BCL7A: variants seen among roughly 807,000 people sequenced by gnomAD.
The protein encoded by BCL7A is B-cell CLL/lymphoma 7 protein family member A.
BCL7A carries 11 observed loss-of-function variants against 28.4 expected under a neutral mutation model. The ratio of observed to expected loss-of-function variants is 0.39; its 90% CI spans 0.24 to 0.64. The LOEUF (loss-of-function observed/expected upper bound fraction) is 0.64, where lower values mean the gene tolerates loss of function less well. Ranked by LOEUF, BCL7A falls within the 30% of genes least tolerant of loss-of-function variation. The probability of loss-of-function intolerance (pLI) is 0.50; values close to 1 mark genes in which losing one functional copy is unlikely to be tolerated. For missense variants in BCL7A, 222 were observed against 274.8 expected, an observed-to-expected ratio of 0.81 and a Z score of 1.36; for synonymous variants, 123 against 103.3, an observed-to-expected ratio of 1.19 and a Z score of -1.15.
chr12:122,033,430 C>T (rs1339699338), intron 2 of BCL7A, among the ~76,000 whole-genome samples: 1 of 152,226 alleles, frequency 6.6e-6, no homozygotes, highest in Non-Finnish European at 1.5e-5. Flanking sequence ...TCTTCTGCCT[C>T]AGCCTCCCAA....
intron 4 of BCL7A, among the ~76,000 whole-genome samples, chr12:122,048,162 C>G (rs1271734808): frequency 6.6e-6 from 1 of 152,070 alleles, no homozygotes; most frequent in Non-Finnish European, 1.5e-5. Flanking sequence ...CTCGGCCTCC[C>G]AAAGTGCTGG....
At chr12:122,023,190 C>T (rs2135834194) in intron 1 of BCL7A, among the ~76,000 whole-genome samples, 1 of 152,302 alleles carries the variant, frequency 6.6e-6, no homozygotes, top group East Asian at 1.9e-4. Flanking sequence ...GCAAGCAGAT[C>T]GCCAGGTTGG....
intron 3 of BCL7A, among the ~76,000 whole-genome samples, chr12:122,036,944 A>G (rs1883869049): frequency 6.6e-6 from 1 of 151,982 alleles, no homozygotes; most frequent in African/African-American, 2.4e-5. Context: ...CCTGGTCTCG[A>G]ACGCCCGCCT....
intron 1 of BCL7A, among the ~76,000 whole-genome samples, chr12:122,027,149 T>C (rs921472980): frequency 2.0e-5 from 3 of 152,030 alleles, no homozygotes; most frequent in Admixed American, 2.0e-4. Flanking sequence ...GTGTCAAGAG[T>C]GAGGGCATCT....
chr12:122,031,819 C>T (rs1183611743), intron 2 of BCL7A, among the ~76,000 whole-genome samples: 2 of 152,206 alleles, frequency 1.3e-5, no homozygotes, highest in Non-Finnish European at 2.9e-5. Context: ...CCTGTGATGG[C>T]TGGCAACTGC....
intron 2 of BCL7A, among the ~76,000 whole-genome samples, chr12:122,032,846 C>T (rs967378816): frequency 2.0e-5 from 3 of 152,170 alleles, no homozygotes; most frequent in African/African-American, 7.2e-5. Context: ...ATGTGCCACT[C>T]CCCCACCCCC....
In BCL7A at chr12:122,022,145, C is replaced by G. The variant is rs751600839; in HGVS notation, c.54C>G (p.Ile18Met). 3.8e-6 allele frequency: 6 copies of G among 1,582,032 alleles called. No homozygotes were observed. The highest frequency in any genetic ancestry group is 1.1e-5 in the South Asian group (1 of 89,178). Residue 18 changes from isoleucine (I) to methionine (M), a missense_variant, in exon 1 of 6, where the codon ATC becomes ATG. Around this residue, in one of 2 missense-constraint regions of BCL7A, gnomAD observed 67 missense variants for 129.1 expected, o/e 0.52. Coordinates refer to ENST00000261822, the MANE Select transcript of BCL7A (RefSeq NM_001024808.3). ...CGAGGAGCCGGGCCAAAGATGATAT[C>G]AAGAGGGTCATGGCGGCGATCGAGA... ...AETRSRAKDDIKRVMAAIEKV... is the reference protein window; with the variant it reads ...AETRSRAKDDMKRVMAAIEKV...
At chr12:122,028,968 G>A (rs1163467421) in intron 1 of BCL7A, among the ~76,000 whole-genome samples, 1 of 152,160 alleles carries the variant, frequency 6.6e-6, no homozygotes, top group Non-Finnish European at 1.5e-5. Flanking sequence ...GCCCACAGGA[G>A]GCAGGAGACG....
Position 122,061,670 on chromosome 12 carries a change from G to A in BCL7A, c.*2507G>A, listed in dbSNP as rs1438168747. On this transcript the variant is annotated 3_prime_UTR_variant, in exon 6 of 6. Transcript: ENST00000261822. Reference sequence around the variant, plus strand: ...AAGCCTTCCGTGGACATCAGGCCCCGTGGCCTCAAGGGCTCCCAGGGCAAA... The same window carrying A: ...AAGCCTTCCGTGGACATCAGGCCCCATGGCCTCAAGGGCTCCCAGGGCAAA... The A allele has an allele frequency of 1.4e-5, 3 of 208,302 alleles. No homozygotes were observed. The highest frequency in any genetic ancestry group is 2.0e-4 in the South Asian group (1 of 5,082). 12.9% of individuals were successfully genotyped at this position (208,302 alleles called of 1,614,324 possible).
chr12:122,038,431 C>CAAAAAAAAAAAAAAAAA lies in BCL7A; in HGVS notation c.271+3016_271+3032dup, dbSNP rs56376395. On this transcript the variant is annotated intron_variant, in intron 3 of 5. Coordinates refer to ENST00000261822, the MANE Select transcript of BCL7A (RefSeq NM_001024808.3). ...TGGGCAAAGGAGCGAGACTCTGCCT[C>CAAAAAAAAAAAAAAAAA]AAAAAAAAAAAAAAAAAAAAAAAAA... Among the ~76,000 whole-genome samples, 13 of 33,552 alleles carry CAAAAAAAAAAAAAAAAA rather than the reference C, an allele frequency of 3.9e-4. 1 individual carries two copies. Among genetic ancestry groups the CAAAAAAAAAAAAAAAAA allele is most frequent in the East Asian group, 1.1e-3 (1 of 904 alleles). The allele number at this position is 33,552 out of a possible 152,430, so 22.0% of individuals were successfully genotyped here.
chr12:122,043,995 C>T lies in BCL7A; in HGVS notation c.381C>T (p.Gly127=). The T allele has an allele frequency of 6.2e-7, 1 of 1,613,980 alleles. No homozygotes were observed. Among genetic ancestry groups the T allele is most frequent in the South Asian group, 1.1e-5 (1 of 91,078 alleles). ...CCAACTCGGCTGTGCCCAGCGACGG[C>T]ACCGAGGCCAAGGTGGATGAGGCCC... ...PEPNSAVPSD[G]TEAKVDEAQA... Residue 127 remains glycine, a synonymous_variant, in exon 4 of 6, where the codon GGC becomes GGT. Coordinates refer to ENST00000261822, the MANE Select transcript of BCL7A (RefSeq NM_001024808.3).
At chr12:122,034,425 TAAAAAAAAAAA>T (rs35998182) in intron 2 of BCL7A, among the ~76,000 whole-genome samples, 1 of 118,416 alleles carries the variant, frequency 8.4e-6, no homozygotes, top group East Asian at 2.4e-4. Context: ...ATTCCTTTCG[TAAAAAAAAAAA>T]AAAAAAAAAA....
intron 4 of BCL7A, among the ~76,000 whole-genome samples, chr12:122,047,859 G>A (rs969469207): frequency 6.7e-6 from 1 of 149,318 alleles, no homozygotes. Context: ...TCTATCAGAA[G>A]TGGAGGTGGA....
chr12:122,050,335 G>A (rs1434272742), intron 4 of BCL7A, among the ~76,000 whole-genome samples: 2 of 152,004 alleles, frequency 1.3e-5, no homozygotes, highest in Non-Finnish European at 2.9e-5. Flanking sequence ...GGGACATTGA[G>A]CAGCATCTCT....
At position 122,037,619 on chromosome 12, in the gene BCL7A, C is replaced by A. The variant is rs577556799; in HGVS notation, c.271+2192C>A. ...AATCACAAGGTCAGGAGTTCGAGAC[C>A]AGCCTGGCCAACATGGTGAAACCCT... On this transcript the variant is annotated intron_variant, in intron 3 of 5. Coordinates refer to ENST00000261822, the MANE Select transcript of BCL7A (RefSeq NM_001024808.3). 2.9e-3 allele frequency among the ~76,000 whole-genome samples: 432 copies of A among 151,576 alleles called. 1 individual carries two copies. The highest frequency in any genetic ancestry group is 5.4e-3 in the Admixed American group (82 of 15,232).
chr12:122,034,531 C>T (rs533428044), intron 2 of BCL7A, among the ~76,000 whole-genome samples: 1 of 150,624 alleles, frequency 6.6e-6, no homozygotes, highest in Admixed American at 6.6e-5. Flanking sequence ...GTCAGGAGTT[C>T]GAGACCAGCC....
chr12:122,046,550 G>T (rs968038819), intron 4 of BCL7A, among the ~76,000 whole-genome samples: 2 of 152,210 alleles, frequency 1.3e-5, no homozygotes, highest in African/African-American at 2.4e-5. Flanking sequence ...GTCAGCAGGG[G>T]AGACAGACAC....
chr12:122,060,008 C>T lies in BCL7A; in HGVS notation c.*845C>T, dbSNP rs1459118508. The T allele has an allele frequency of 8.6e-6, 2 of 233,654 alleles. No homozygotes were observed. Among genetic ancestry groups the T allele is most frequent in the Non-Finnish European group, 1.7e-5 (2 of 118,072 alleles). 14.5% of individuals were successfully genotyped at this position (233,654 alleles called of 1,614,324 possible). A position where few individuals can be genotyped will look rare whatever the true frequency, so the allele number is the denominator to read the frequency against. On this transcript the variant is annotated 3_prime_UTR_variant, in exon 6 of 6. Transcript: ENST00000261822. ...TCTCTATTGCCCCCACCACCACCAC[C>T]CCCATCACTGCTTTCTCCCAGACCT... is the stretch of plus-strand genomic sequence containing the variant.
chr12:122,028,946 T>C (rs1883684856), intron 1 of BCL7A, among the ~76,000 whole-genome samples: 1 of 152,118 alleles, frequency 6.6e-6, no homozygotes, highest in Admixed American at 6.6e-5. Flanking sequence ...GGCATTGTGG[T>C]TTGTCTGCTC....
Sources: allele counts gnomAD v4.1 joint callset (sites outside exome capture counted in the v4.1 genomes callset), GRCh38; gene constraint gnomAD v4.1.1; regional missense constraint gnomAD v4.1.1; transcripts MANE v1.5; gene names NCBI Gene and HGNC (gene_info 2026-07-23, HGNC 2026-07-21).